The following TRAP1 variants were observed in gnomAD, a reference collection of about 807,000 sequenced individuals.
TRAP1 encodes heat shock protein 75 kDa, mitochondrial.
TRAP1 carries 102 observed loss-of-function variants against 89.1 expected under a neutral mutation model. The ratio of observed to expected loss-of-function variants is 1.15; its 90% confidence interval spans 0.98 to 1.35. The LOEUF (loss-of-function observed/expected upper bound fraction) is 1.35, where lower values mean the gene tolerates loss of function less well. Ranked by LOEUF, TRAP1 falls within the 40% of genes most tolerant of loss-of-function variation. The probability of loss-of-function intolerance (pLI) is 0.00; values close to 1 mark genes in which losing one functional copy is unlikely to be tolerated. For missense variants in TRAP1, 1,256 were observed against 945.3 expected (o/e 1.33, Z -4.31); for synonymous variants, 508 against 388.0 (o/e 1.31, Z -3.64).
intron 1 of TRAP1, among the ~76,000 whole-genome samples, chr16:3,706,921 G>C (rs1411159580): frequency 6.6e-6 from 1 of 152,072 alleles, no homozygotes; most frequent in Non-Finnish European, 1.5e-5. Context: ...TGGTAATTCG[G>C]TTTGACTGTG....
chr16:3,671,791 C>A lies in TRAP1; in HGVS notation c.1166G>T (p.Gly389Val). The A allele has an allele frequency of 6.2e-7, 1 of 1,611,962 alleles. No homozygotes were observed. Among genetic ancestry groups the A allele is most frequent in the South Asian group, 1.1e-5 (1 of 91,088 alleles). Residue 389 changes from glycine (G) to valine (V), a missense_variant and splice_region_variant, in exon 11 of 18, where the codon GGT becomes GTT. Coordinates refer to ENST00000246957, the MANE Select transcript of TRAP1 (RefSeq NM_016292.3). ...GGGAATGTCCTCACTGTCCACCACA[C>A]CTGGGAGACACGGCAGTCAGCTTCT... Reference protein sequence around the residue: ...ILPKWLRFIRGVVDSEDIPLN... With the variant: ...ILPKWLRFIRVVVDSEDIPLN...
At chr16:3,672,342 ACT>A (rs770875914) in intron 10 of TRAP1, among the ~76,000 whole-genome samples, 6 of 151,830 alleles carry the variant, frequency 4.0e-5, no homozygotes, top group East Asian at 1.9e-4. Flanking sequence ...AACAAACAAA[ACT>A]CTATCAGGGA....
intron 17 of TRAP1, 94 bp from the exon 18 acceptor site, chr16:3,658,324 G>C (rs370167552): frequency 1.0e-6 from 1 of 994,462 alleles, no homozygotes; most frequent in Admixed American, 2.2e-5. Flanking sequence ...GCCGAGGCTG[G>C]AGTGCAGAGG....
At position 3,717,447 on chromosome 16, in the gene TRAP1, G is replaced by A. The variant is rs1334258199; in HGVS notation, c.62C>T (p.Ala21Val). The change falls in exon 1 of 18, where the codon GCG (alanine) becomes GTG (valine). Residue 21 changes from alanine (A) to valine (V), a missense_variant. Physicochemically the swap from Ala to Val is moderately conservative, Grantham distance 64 (BLOSUM62 0). Coordinates refer to ENST00000246957, the MANE Select transcript of TRAP1 (RefSeq NM_016292.3). ...TCCCGGCACGGCCGCCAGCGCCGGC[G>A]CCCGCAGCAAAGGCCGCAGGCGGCG... The part of the protein sequence containing the change: ...WGRRLRPLLR[A>V]PALAAVPGGK... The A allele has an allele frequency of 7.8e-7, 1 of 1,276,708 alleles. No individual in the cohort carries two copies. The highest frequency in any genetic ancestry group is 2.8e-5 in the South Asian group (1 of 35,926). 79.1% of individuals were successfully genotyped at this position (1,276,708 alleles called of 1,614,324 possible).
At position 3,675,614 on chromosome 16, in the gene TRAP1, G is replaced by A. The variant is rs545742554; in HGVS notation, c.815-217C>T. ...CCACGTGAGAACCAGAGCTGTGGAG[G>A]CCCCGGCTGCTGCGAGACTGCAATG... On this transcript the variant is annotated intron_variant, in intron 7 of 17. Coordinates refer to ENST00000246957, the MANE Select transcript of TRAP1 (RefSeq NM_016292.3). 2.0e-5 allele frequency among the ~76,000 whole-genome samples: 3 copies of A among 152,236 alleles called. No homozygotes were observed. In the South Asian group the frequency reaches 6.2e-4, roughly 32 times the overall value.
At chr16:3,661,607 C>T (rs1416998833) in intron 16 of TRAP1, 10 of 200,622 alleles carry the variant, frequency 5.0e-5, no homozygotes, top group Non-Finnish European at 1.0e-5. Flanking sequence ...TTGTGGCAGC[C>T]CCTCTGCATG....
chr16:3,692,372 C>T (rs1213330157), intron 1 of TRAP1, among the ~76,000 whole-genome samples: 3 of 151,820 alleles, frequency 2.0e-5, no homozygotes, highest in Non-Finnish European at 2.9e-5. Flanking sequence ...CCCATCTGTA[C>T]TAAAAATACA....
intron 1 of TRAP1, among the ~76,000 whole-genome samples, chr16:3,705,567 T>C (rs749648547): frequency 6.6e-6 from 1 of 152,220 alleles, no homozygotes; most frequent in Non-Finnish European, 1.5e-5. Context: ...CATAAAGTCT[T>C]TGGGGTTCAT....
chr16:3,674,952 G>A (rs986683347), intron 8 of TRAP1: 1 of 328,570 alleles, frequency 3.0e-6, no homozygotes, highest in East Asian at 6.8e-5. Context: ...TGGCTGCTGG[G>A]ACTGGGGGAG....
At chr16:3,661,783 A>G (rs1049795253) in intron 16 of TRAP1, 41 of 534,758 alleles carry the variant, frequency 7.7e-5, no homozygotes, top group Non-Finnish European at 1.1e-4. Context: ...CTAACCTCCC[A>G]GGTGACACCT....
intron 14 of TRAP1, chr16:3,663,219 G>C: frequency 1.4e-6 from 1 of 712,364 alleles, no homozygotes; most frequent in South Asian, 1.9e-5. Flanking sequence ...AGAAGCCACC[G>C]TGGCAGGAGC....
At chr16:3,696,541 C>T (rs1006200787) in intron 1 of TRAP1, among the ~76,000 whole-genome samples, 1 of 152,082 alleles carries the variant, frequency 6.6e-6, no homozygotes, top group African/African-American at 2.4e-5. Flanking sequence ...AACACCACAG[C>T]AATAACTGGC....
intron 1 of TRAP1, among the ~76,000 whole-genome samples, chr16:3,692,438 A>T (rs1310751107): frequency 7.9e-5 from 12 of 151,030 alleles, no homozygotes; most frequent in Non-Finnish European, 4.4e-5. Context: ...CGGGAGACTG[A>T]GGCAGGGGAA....
intron 3 of TRAP1, 59 bp from the exon 4 acceptor site, chr16:3,686,195 T>C (rs1596727702): frequency 5.1e-6 from 8 of 1,577,352 alleles, no homozygotes; most frequent in Non-Finnish European, 5.2e-6. Context: ...GCAGGATCTA[T>C]CTGGTCAGCT....
At chr16:3,713,999 C>A (rs1374927140) in intron 1 of TRAP1, among the ~76,000 whole-genome samples, 1 of 152,236 alleles carries the variant, frequency 6.6e-6, no homozygotes, top group Non-Finnish European at 1.5e-5. Context: ...CTGCACACTC[C>A]CGCAAGTCTT....
chr16:3,661,845 C>T, intron 16 of TRAP1, 142 bp downstream of exon 16: 1 of 1,135,362 alleles, frequency 8.8e-7, no homozygotes. Context: ...GCAGCCTAAA[C>T]TGCATACAGC....
At position 3,658,972 on chromosome 16, in the gene TRAP1, CTG is replaced by C. The variant is rs140076768; in HGVS notation, c.1941-109_1941-108del. 745 of 1,139,022 alleles carry C rather than the reference CTG, an allele frequency of 6.5e-4. 10 individuals carry two copies. In the African/African-American group the frequency reaches 9.9e-3, roughly 15 times the overall value. The allele number at this position is 1,139,022 out of a possible 1,614,324, so 70.6% of individuals were successfully genotyped here. A position where few individuals can be genotyped will look rare whatever the true frequency, so the allele number is the denominator to read the frequency against. ...ATTTAAAGAAGCACAGTAAGACTGT[CTG>C]TAGTTTTTTAAATAAGGTATGTTAA... is the stretch of plus-strand genomic sequence containing the variant. On this transcript the variant is annotated intron_variant, in intron 16 of 17. Transcript: ENST00000246957.
intron 4 of TRAP1, among the ~76,000 whole-genome samples, chr16:3,682,515 G>A (rs974814325): frequency 3.9e-5 from 6 of 151,912 alleles, no homozygotes; most frequent in African/African-American, 7.3e-5. Context: ...TCAGCCTCCC[G>A]AGTAGCTGGG....
At chr16:3,671,690 G>C (rs1210661231) in intron 11 of TRAP1, 32 bp downstream of exon 11, 2 of 1,607,148 alleles carry the variant, frequency 1.2e-6, no homozygotes, top group South Asian at 2.2e-5. Context: ...CTTGTCCCCA[G>C]CAGGGTCCTC....
Sources: allele counts gnomAD v4.1 joint callset (sites outside exome capture counted in the v4.1 genomes callset), GRCh38; gene constraint gnomAD v4.1.1; transcripts MANE v1.5; gene names NCBI Gene and HGNC (gene_info 2026-07-23, HGNC 2026-07-21).